Variants in WDPCP observed in about 807,000 individuals in gnomAD.
The protein encoded by WDPCP is WD repeat-containing and planar cell polarity effector protein fritz homolog.
A neutral mutation model predicts 93.1 loss-of-function variants in WDPCP; 71 were observed. The ratio of observed to expected loss-of-function variants is 0.76; its 90% CI spans 0.63 to 0.93. The LOEUF is 0.93. Ranked by LOEUF, WDPCP falls within the 40% of genes least tolerant of loss-of-function variation. WDPCP has a pLI of 0.00. For synonymous variants in WDPCP, 315 were observed against 315.0 expected (o/e 1.00, Z 0.00); for missense variants, 844 against 887.4 (o/e 0.95, Z 0.62).
intron 2 of WDPCP, among the ~76,000 whole-genome samples, chr2:63,731,376 A>C (rs1669559596): frequency 6.6e-6 from 1 of 152,156 alleles, no homozygotes; most frequent in Admixed American, 6.6e-5. Context: ...TAAAATTCAC[A>C]TAACATTAAT....
At chr2:63,229,891 GAAAA>G (rs559412469) in intron 14 of WDPCP, 14 of 115,084 alleles carry the variant, frequency 1.2e-4, no homozygotes, top group South Asian at 5.0e-4. Context: ...CCAGAAAAAG[GAAAA>G]AAAAAAAAAA....
chr2:63,416,205 T>G (rs1281134880), intron 9 of WDPCP, among the ~76,000 whole-genome samples: 2 of 151,718 alleles, frequency 1.3e-5, no homozygotes, highest in Non-Finnish European at 2.9e-5. Context: ...TTTTCCTTTT[T>G]TTTTTTTCTT....
upstream of WDPCP, among the ~76,000 whole-genome samples, chr2:63,589,565 C>A (rs911377273): frequency 1.2e-4 from 18 of 152,222 alleles, no homozygotes; most frequent in African/African-American, 3.6e-4. Flanking sequence ...TATCTAATTT[C>A]TCAAAATGTT....
rs574856145 is a variant in WDPCP, at chr2:63,803,605, G to C, written n.308+10017C>G. ...TACTTTTTAATGGCTGTTAATATAG[G>C]AATTATATAAAAATATAGAAAGCTA... is the stretch of plus-strand genomic sequence containing the variant. On this transcript the variant is annotated intron_variant and non_coding_transcript_variant, in intron 2 of 4. Coordinates refer to the WDPCP transcript ENST00000467687. 3.3e-5 allele frequency among the ~76,000 whole-genome samples: 5 copies of C among 151,778 alleles called. No homozygotes were observed. In the South Asian group the frequency reaches 1.0e-3, roughly 32 times the overall value.
chr2:63,450,390 C>A (rs1330541738), intron 6 of WDPCP, among the ~76,000 whole-genome samples: 1 of 152,150 alleles, frequency 6.6e-6, no homozygotes, highest in Non-Finnish European at 1.5e-5. Flanking sequence ...CCAGTATGCA[C>A]CACCCAGGAC....
Position 63,235,180 on chromosome 2 carries a change from G to T in WDPCP, c.1915+24127C>A, listed in dbSNP as rs76849992. Among the ~76,000 whole-genome samples, 214 of 152,174 alleles carry T rather than the reference G, an allele frequency of 1.4e-3. 1 individual carries two copies. In the East Asian group the frequency reaches 0.035, roughly 25 times the overall value. On this transcript the variant is annotated intron_variant, in intron 14 of 17. Coordinates refer to ENST00000272321, the MANE Select transcript of WDPCP (RefSeq NM_015910.7). The stretch of plus-strand genomic sequence containing the variant: ...AGGAGACATTACAACAGATCCCACA[G>T]ATATACAAAAGATCCTCAGAAACTG...
intron 3 of WDPCP, among the ~76,000 whole-genome samples, chr2:63,625,653 A>C (rs1255254913): frequency 6.6e-6 from 1 of 152,214 alleles, no homozygotes; most frequent in Non-Finnish European, 1.5e-5. Context: ...GGACCTCTTC[A>C]AGGGGAACTA....
At chr2:63,282,108 ACT>A (rs1432076084) in intron 13 of WDPCP, among the ~76,000 whole-genome samples, 1 of 152,170 alleles carries the variant, frequency 6.6e-6, no homozygotes, top group Non-Finnish European at 1.5e-5. Flanking sequence ...ACCACAAACA[ACT>A]CTAAATACCA....
At chr2:63,174,600 ATTAGT>A in intron 15 of WDPCP, 65 bp downstream of exon 15, 1 of 1,587,166 alleles carries the variant, frequency 6.3e-7, no homozygotes. Flanking sequence ...TTGCTTTGCT[ATTAGT>A]TCGCATTTGA....
At chr2:63,556,897 A>C (rs951762673) in intron 1 of WDPCP, among the ~76,000 whole-genome samples, 3 of 152,202 alleles carry the variant, frequency 2.0e-5, no homozygotes, top group Admixed American at 6.5e-5. Flanking sequence ...TCCAACCCAG[A>C]ATTTCATATC....
intron 9 of WDPCP, among the ~76,000 whole-genome samples, chr2:63,417,317 T>C (rs540097109): frequency 2.6e-5 from 4 of 152,342 alleles, no homozygotes; most frequent in Non-Finnish European, 5.9e-5. Flanking sequence ...TAAACTCATT[T>C]AATTGATTTA....
chr2:63,756,432 A>G (rs1244751282), intron 2 of WDPCP, among the ~76,000 whole-genome samples: 1 of 152,166 alleles, frequency 6.6e-6, no homozygotes, highest in East Asian at 1.9e-4. Flanking sequence ...AATTCTTGTC[A>G]ATGATTATGA....
At chr2:63,809,067 G>T (rs539780497) in intron 2 of WDPCP, among the ~76,000 whole-genome samples, 1 of 151,240 alleles carries the variant, frequency 6.6e-6, no homozygotes, top group Non-Finnish European at 1.5e-5. Context: ...GTCTCTGACC[G>T]GCCGCCCCGT....
chr2:63,450,676 A>G (rs1004416172), intron 6 of WDPCP, among the ~76,000 whole-genome samples: 1 of 152,062 alleles, frequency 6.6e-6, no homozygotes, highest in Non-Finnish European at 1.5e-5. Flanking sequence ...GCAAAACTTC[A>G]CCATAGCCCC....
intron 12 of WDPCP, among the ~76,000 whole-genome samples, chr2:63,351,498 G>C (rs981404626): frequency 1.3e-5 from 2 of 151,914 alleles, no homozygotes; most frequent in African/African-American, 4.8e-5. Flanking sequence ...TCAATGTTTA[G>C]CTCTCATTTA....
At chr2:63,802,295 A>AGATTT (rs1288630781) in intron 2 of WDPCP, among the ~76,000 whole-genome samples, 2 of 85,728 alleles carry the variant, frequency 2.3e-5, no homozygotes, top group Non-Finnish European at 4.9e-5. Context: ...AAAAAAAAAA[A>AGATTT]AAAAAAAAAA....
At chr2:63,137,283 C>T (rs564669884) in intron 17 of WDPCP, among the ~76,000 whole-genome samples, 239 of 152,184 alleles carry the variant, frequency 1.6e-3, no homozygotes, top group Non-Finnish European at 2.9e-3. Context: ...GAGGTGGTAT[C>T]TCATTGTGGT....
intron 13 of WDPCP, among the ~76,000 whole-genome samples, chr2:63,297,146 A>G (rs1284854754): frequency 3.9e-5 from 6 of 152,162 alleles, no homozygotes; most frequent in Non-Finnish European, 5.9e-5. Context: ...GAACTTACAT[A>G]AAAGGATGGT....
At chr2:63,457,987 G>A (rs1237551307) in intron 6 of WDPCP, among the ~76,000 whole-genome samples, 2 of 151,994 alleles carry the variant, frequency 1.3e-5, no homozygotes, top group African/African-American at 4.8e-5. Flanking sequence ...AGCTAGGTGT[G>A]GTGGTGTGCA....
Sources: gnomAD v4.1 joint callset for allele counts (sites outside exome capture counted in the v4.1 genomes callset) on GRCh38, gnomAD v4.1.1 for gene constraint, MANE v1.5 for transcripts, NCBI Gene and HGNC (gene_info 2026-07-23, HGNC 2026-07-21) for gene names.